Variants in GPC5 observed in about 807,000 individuals in gnomAD.
The protein encoded by GPC5 is glypican-5.
Under a neutral mutation model 53.9 loss-of-function variants are expected in GPC5, and 47 were observed. The ratio of observed to expected loss-of-function variants is 0.87; its 90% confidence interval spans 0.69 to 1.11. The LOEUF (loss-of-function observed/expected upper bound fraction) is 1.11, where lower values mean the gene tolerates loss of function less well. Among genes scored for constraint, GPC5 ranks in the 50% most tolerant of loss-of-function variants. GPC5 has a pLI of 0.00. For synonymous variants in GPC5, 286 were observed against 263.3 expected (o/e 1.09, Z -0.84); for missense variants, 748 against 713.1 (o/e 1.05, Z -0.56).
At chr13:91,756,637 G>A (rs1000358952) in intron 5 of GPC5, among the ~76,000 whole-genome samples, 5 of 151,740 alleles carry the variant, frequency 3.3e-5, no homozygotes, top group African/African-American at 1.2e-4. Context: ...TATTTTGAAA[G>A]TCTTCTCTTT....
intron 7 of GPC5, among the ~76,000 whole-genome samples, chr13:92,353,808 A>G (rs1305024955): frequency 6.6e-6 from 1 of 152,196 alleles, no homozygotes; most frequent in Non-Finnish European, 1.5e-5. Context: ...ATCTGGTAAT[A>G]AATGATTCTC....
intron 6 of GPC5, chr13:91,996,099 C>G (rs929126001): frequency 6.6e-6 from 1 of 152,186 alleles, no homozygotes; most frequent in African/African-American, 2.4e-5. Context: ...TCCATTTATT[C>G]TCCTTTAGAT....
intron 6 of GPC5, among the ~76,000 whole-genome samples, chr13:92,039,249 G>A (rs1183342785): frequency 6.6e-6 from 1 of 152,244 alleles, no homozygotes; most frequent in Non-Finnish European, 1.5e-5. Flanking sequence ...TATGTTTTCC[G>A]TTTTCTCTTT....
At chr13:91,737,398 C>G (rs1278634524) in intron 4 of GPC5, among the ~76,000 whole-genome samples, 1 of 151,218 alleles carries the variant, frequency 6.6e-6, no homozygotes, top group African/African-American at 2.5e-5. Context: ...AAGAGAATAC[C>G]TCTAGCAGAA....
At chr13:92,109,774 C>T (rs1031720967) in intron 6 of GPC5, among the ~76,000 whole-genome samples, 1 of 151,984 alleles carries the variant, frequency 6.6e-6, no homozygotes, top group Non-Finnish European at 1.5e-5. Context: ...GTTGATTAAT[C>T]AATAAAAATA....
chr13:92,281,637 G>C (rs907780969), intron 7 of GPC5, among the ~76,000 whole-genome samples: 2 of 152,124 alleles, frequency 1.3e-5, no homozygotes, highest in Non-Finnish European at 2.9e-5. Context: ...AGGCAAACAG[G>C]GTCTGGAGTG....
intron 7 of GPC5, among the ~76,000 whole-genome samples, chr13:92,641,554 A>G (rs892649305): frequency 6.6e-5 from 10 of 152,202 alleles, no homozygotes; most frequent in African/African-American, 2.4e-4. Context: ...GAATTTTATT[A>G]TCTTCAGATG....
chr13:92,572,857 T>C (rs1883074117), intron 7 of GPC5, among the ~76,000 whole-genome samples: 1 of 152,186 alleles, frequency 6.6e-6, no homozygotes, highest in African/African-American at 2.4e-5. Flanking sequence ...TCTATTCCTG[T>C]AGCTCTTCCC....
intron 7 of GPC5, among the ~76,000 whole-genome samples, chr13:92,395,911 T>G (rs985488587): frequency 6.6e-6 from 1 of 151,746 alleles, no homozygotes; most frequent in African/African-American, 2.4e-5. Flanking sequence ...GTTTCTGTTT[T>G]TTTTTTTTTT....
In GPC5 at chr13:91,447,844, A is replaced by C. The variant is rs112455013; in HGVS notation, c.164-917A>C. Among the ~76,000 whole-genome samples the C allele has an allele frequency of 7.0e-3, 1,061 of 152,084 alleles. 17 individuals carry two copies. The highest frequency in any genetic ancestry group is 0.024 in the African/African-American group (1,004 of 41,486). On this transcript the variant is annotated intron_variant, in intron 1 of 7. Transcript: ENST00000377067. ...CGTATTAGGCCATTATGTAAATAAA[A>C]TTGTCCTGAGCTTTACTTATAATCT... is the stretch of plus-strand genomic sequence containing the variant.
At chr13:92,692,752 C>CTTTTTTTTTTTTTTTTTT (rs1457273874) in intron 7 of GPC5, among the ~76,000 whole-genome samples, 2 of 61,274 alleles carry the variant, frequency 3.3e-5, no homozygotes, top group East Asian at 1.5e-3. Context: ...CCAATATCGG[C>CTTTTTTTTTTTTTTTTTT]TATTTTTTTT....
chr13:91,656,898 G>C (rs2034858256), intron 2 of GPC5, among the ~76,000 whole-genome samples: 1 of 152,178 alleles, frequency 6.6e-6, no homozygotes, highest in Admixed American at 6.6e-5. Flanking sequence ...AGTGCTGGGT[G>C]CTGGTGATAA....
intron 7 of GPC5, among the ~76,000 whole-genome samples, chr13:92,449,789 AAC>A (rs1305841519): frequency 8.8e-6 from 1 of 113,388 alleles, no homozygotes; most frequent in African/African-American, 2.9e-5. Context: ...TCATTGAAAA[AAC>A]AAAAAATTAT....
chr13:92,261,659 A>G (rs1027884330), intron 7 of GPC5, among the ~76,000 whole-genome samples: 1 of 152,128 alleles, frequency 6.6e-6, no homozygotes, highest in Non-Finnish European at 1.5e-5. Flanking sequence ...TGAATAGGAA[A>G]ACTTTACTGC....
chr13:91,842,704 CAAAAAAAAAAA>C (rs58660493), intron 5 of GPC5, among the ~76,000 whole-genome samples: 1 of 58,840 alleles, frequency 1.7e-5, no homozygotes, highest in Non-Finnish European at 2.9e-5. Context: ...GACTCCGTCT[CAAAAAAAAAAA>C]AAAAAAAAAA....
chr13:92,110,365 A>G (rs2041547306), intron 6 of GPC5, among the ~76,000 whole-genome samples: 2 of 152,204 alleles, frequency 1.3e-5, no homozygotes, highest in South Asian at 4.1e-4. Context: ...AGAAAGGTCT[A>G]CTCAAAAATC....
intron 1 of GPC5, among the ~76,000 whole-genome samples, chr13:91,403,469 G>T (rs917580156): frequency 3.9e-5 from 6 of 152,182 alleles, no homozygotes; most frequent in African/African-American, 1.2e-4. Flanking sequence ...AAAGATTAAG[G>T]TGGGGTAGTT....
intron 7 of GPC5, among the ~76,000 whole-genome samples, chr13:92,262,218 T>C (rs1048827603): frequency 1.3e-5 from 2 of 152,166 alleles, no homozygotes; most frequent in Non-Finnish European, 2.9e-5. Flanking sequence ...TGGTTTCTAG[T>C]ATTTCACAAG....
intron 2 of GPC5, among the ~76,000 whole-genome samples, chr13:91,511,115 T>C (rs1041480197): frequency 6.6e-6 from 1 of 152,158 alleles, no homozygotes; most frequent in African/African-American, 2.4e-5. Flanking sequence ...TGTAGTTAAA[T>C]GATTGTCTCA....
Sources: gnomAD v4.1 joint callset for allele counts (sites outside exome capture counted in the v4.1 genomes callset) on GRCh38, gnomAD v4.1.1 for gene constraint, MANE v1.5 for transcripts, NCBI Gene and HGNC (gene_info 2026-07-23, HGNC 2026-07-21) for gene names.